The following LONRF2 variants were observed in gnomAD, a reference collection of about 807,000 sequenced individuals.
The protein encoded by LONRF2 is LON peptidase N-terminal domain and RING finger protein 2.
Under a neutral mutation model 66.6 loss-of-function variants are expected in LONRF2, and 35 were observed. That is an observed-to-expected ratio of 0.53 (90% CI 0.40 to 0.70). LONRF2 has a LOEUF of 0.70. Among genes scored for constraint, LONRF2 ranks in the 30% least tolerant of loss-of-function variants. The pLI is 0.00. For missense variants in LONRF2, 902 were observed against 1,002.1 expected (o/e 0.90, Z 1.35); for synonymous variants, 417 against 418.1 (o/e 1.00, Z 0.03).
chr2:100,321,134 C>G (rs1675613541), intron 1 of LONRF2, among the ~76,000 whole-genome samples: 1 of 152,142 alleles, frequency 6.6e-6, no homozygotes, highest in Non-Finnish European at 1.5e-5. Flanking sequence ...CAGAAGATGC[C>G]GAAAAGCAAT....
intron 2 of LONRF2, among the ~76,000 whole-genome samples, chr2:100,306,368 C>T (rs11686293): frequency 0.45 from 68,066 of 152,042 alleles, 15,999 homozygotes; most frequent in East Asian, 0.71. Context: ...AAGAACTTCA[C>T]GTAAAGTTTC....
At chr2:100,284,551 ACACAGT>A in intron 11 of LONRF2, 59 bp from the exon 12 acceptor site, 4 of 1,377,378 alleles carry the variant, frequency 2.9e-6, no homozygotes, top group Non-Finnish European at 2.9e-6. Flanking sequence ...CTGTTCCCCA[ACACAGT>A]CTTTTGCTCC....
At position 100,277,695 on chromosome 2, in the gene LONRF2, C is replaced by T. The variant is rs564220811; in HGVS notation, c.*6603G>A. 2.0e-5 allele frequency: 3 copies of T among 152,244 alleles called. No individual in the cohort carries two copies. The highest frequency in any genetic ancestry group is 7.2e-5 in the African/African-American group (3 of 41,550). 9.4% of individuals were successfully genotyped at this position (152,244 alleles called of 1,614,324 possible). On this transcript the variant is annotated 3_prime_UTR_variant, in exon 12 of 12. Transcript: ENST00000393437. ...GCATGCCCTGATACGAAACGGAACC[C>T]AAAAAACAACGCATGTGGCCAAAGT...
intron 9 of LONRF2, among the ~76,000 whole-genome samples, chr2:100,293,454 C>A (rs1675002263): frequency 6.6e-6 from 1 of 152,156 alleles, no homozygotes; most frequent in Admixed American, 6.5e-5. Flanking sequence ...GAGGCAGCCC[C>A]CTTTCTCCAG....
chr2:100,284,643 A>C lies in LONRF2; in HGVS notation c.2071-151T>G, dbSNP rs531939002. The stretch of plus-strand genomic sequence containing the variant: ...AATTCACAATTCATTCAGCTCTCAA[A>C]ATACATAGTTTACTTTTATGGTACA... On this transcript the variant is annotated intron_variant, in intron 11 of 11. Transcript: ENST00000393437. 2.1e-3 allele frequency: 1,414 copies of C among 661,316 alleles called. 1 individual carries two copies. Among genetic ancestry groups the C allele is most frequent in the Non-Finnish European group, 2.9e-3 (1,199 of 408,068 alleles). 41.0% of individuals were successfully genotyped at this position (661,316 alleles called of 1,614,324 possible). A position where few individuals can be genotyped will look rare whatever the true frequency, so the allele number is the denominator to read the frequency against.
At chr2:100,317,649 T>C (rs1675534710) in intron 1 of LONRF2, among the ~76,000 whole-genome samples, 1 of 152,216 alleles carries the variant, frequency 6.6e-6, no homozygotes, top group Admixed American at 6.5e-5. Flanking sequence ...ATTCTGATGG[T>C]AATAAAATCC....
rs1168115881 is a variant in LONRF2, at chr2:100,273,135, C to T, written c.*11163G>A. Among the ~76,000 whole-genome samples, 2 of 152,208 alleles carry T rather than the reference C, an allele frequency of 1.3e-5. No individual in the cohort carries two copies. The highest frequency in any genetic ancestry group is 6.5e-5 in the Admixed American group (1 of 15,280). On this transcript the variant is annotated 3_prime_UTR_variant, in exon 12 of 12. Coordinates refer to ENST00000393437, the MANE Select transcript of LONRF2 (RefSeq NM_198461.4). ...GAAGAAGGCCATGTGACGATGGACA[C>T]GGAAACTGGAGTGATGCAGCCGCTG...
At position 100,284,433 on chromosome 2, in the gene LONRF2, G is replaced by A. The variant is rs781374702; in HGVS notation, c.2130C>T (p.Arg710=). Residue 710 remains arginine, a synonymous_variant, in exon 12 of 12, where the codon CGC becomes CGT. Transcript: ENST00000393437. ...WWILAVLPLE[R]KAQLAILGMT... is the part of the protein sequence containing the mutation. ...TGCCGAGGATGGCCAGCTGAGCCTT[G>A]CGCTCCAGGGGCAGCACGGCCAGGA... 9.9e-6 allele frequency: 16 copies of A among 1,608,410 alleles called. No individual in the cohort carries two copies. The highest frequency in any genetic ancestry group is 1.4e-5 in the Non-Finnish European group (16 of 1,177,836).
Position 100,282,235 on chromosome 2 carries a change from A to G in LONRF2, c.*2063T>C, listed in dbSNP as rs1432465343. 6.6e-6 allele frequency: 1 copy of G among 152,232 alleles called. No homozygotes were observed. The highest frequency in any genetic ancestry group is 2.4e-5 in the African/African-American group (1 of 41,456). 9.4% of individuals were successfully genotyped at this position (152,232 alleles called of 1,614,324 possible). Reference sequence around the variant, plus strand: ...TAACTGAATAGTTCTGATTCCAAGAACTGTGTGACCTTATGACATTTAAAG... The same window carrying G: ...TAACTGAATAGTTCTGATTCCAAGAGCTGTGTGACCTTATGACATTTAAAG... On this transcript the variant is annotated 3_prime_UTR_variant, in exon 12 of 12. Coordinates refer to ENST00000393437, the MANE Select transcript of LONRF2 (RefSeq NM_198461.4).
Position 100,300,658 on chromosome 2 carries a change from C to T in LONRF2, c.1051G>A (p.Ala351Thr), listed in dbSNP as rs199789084. Reference sequence around the variant, plus strand: ...GCACGTCATACCTCCGAGCTCCCTGCATCACCTTCTTCCAGCAGAGCCTGG... The same window carrying T: ...GCACGTCATACCTCCGAGCTCCCTGTATCACCTTCTTCCAGCAGAGCCTGG... The part of the protein sequence containing the change: ...NAQALLEEGD[A>T]GSSENSSEKS... The change falls in exon 4 of 12, where the codon GCA becomes ACA. Residue 351 changes from alanine to threonine, a missense_variant. Ala to Thr is a moderately conservative substitution (Grantham distance 58, BLOSUM62 0). This residue lies in a region of LONRF2 where 585 missense variants were observed against 569.9 expected (regional missense o/e 1.03). Coordinates refer to ENST00000393437, the MANE Select transcript of LONRF2 (RefSeq NM_198461.4). The T allele has an allele frequency of 1.2e-5, 20 of 1,611,712 alleles. No homozygotes were observed. Among genetic ancestry groups the T allele is most frequent in the Non-Finnish European group, 1.7e-5 (20 of 1,179,448 alleles).
rs60329034 is a variant in LONRF2 at position 100,316,632 on chromosome 2, G to A, written c.679+4783C>T. ...AACACAACCACAGGCCAACTCCAAC[G>A]CTCTGCCTATGGTCATGGGAGCCTA... On this transcript the variant is annotated intron_variant, in intron 1 of 11. Transcript: ENST00000393437. Among the ~76,000 whole-genome samples the A allele has an allele frequency of 9.6e-3, 1,398 of 145,484 alleles. 22 individuals are homozygous for A. The highest frequency in any genetic ancestry group is 0.049 in the East Asian group (248 of 5,052).
In LONRF2 at chr2:100,283,635, G is replaced by T. The variant is rs540155086; in HGVS notation, c.*663C>A. On this transcript the variant is annotated 3_prime_UTR_variant, in exon 12 of 12. Transcript: ENST00000393437. ...TGTTCTCAGGTTTTTCTATATCCAA[G>T]GTATACTTTCTTATGTTTTGACATT... The T allele has an allele frequency of 1.3e-5, 2 of 152,056 alleles. No individual in the cohort carries two copies. Among genetic ancestry groups the T allele is most frequent in the Admixed American group, 6.5e-5 (1 of 15,274 alleles). The allele number at this position is 152,056 out of a possible 1,614,324, so 9.4% of individuals were successfully genotyped here.
chr2:100,314,202 T>G (rs1267735872), intron 1 of LONRF2, among the ~76,000 whole-genome samples: 1 of 152,206 alleles, frequency 6.6e-6, no homozygotes, highest in African/African-American at 2.4e-5. Flanking sequence ...TAAGTTGTTG[T>G]ACAAACTTAT....
In LONRF2 at chr2:100,313,963, A is replaced by ATAT. The variant is rs535655369; in HGVS notation, c.680-4741_680-4739dup. Reference sequence around the variant, plus strand: ...TAAAAAATTTAAAAATTGCTGTGTAATATTACACTGTATGACTTGATTTAT... The same window carrying ATAT: ...TAAAAAATTTAAAAATTGCTGTGTAATATTATTACACTGTATGACTTGATTTAT... On this transcript the variant is annotated intron_variant, in intron 1 of 11. Coordinates refer to ENST00000393437, the MANE Select transcript of LONRF2 (RefSeq NM_198461.4). 4.8e-3 allele frequency among the ~76,000 whole-genome samples: 731 copies of ATAT among 152,264 alleles called. 5 individuals carry two copies. The highest frequency in any genetic ancestry group is 0.016 in the African/African-American group (677 of 41,524).
chr2:100,299,018 T>C (rs1376817118), intron 6 of LONRF2, 68 bp from the exon 7 acceptor site: 21 of 1,255,702 alleles, frequency 1.7e-5, no homozygotes, highest in Non-Finnish European at 2.5e-5. Flanking sequence ...GACTGGTTTT[T>C]GAAGGATTCC....
intron 1 of LONRF2, among the ~76,000 whole-genome samples, chr2:100,319,698 C>T (rs1465388416): frequency 6.6e-6 from 1 of 152,180 alleles, no homozygotes; most frequent in Non-Finnish European, 1.5e-5. Context: ...TATTTTCTTT[C>T]TGTATAGTAT....
chr2:100,272,620 T>C lies in LONRF2; in HGVS notation c.*11678A>G, dbSNP rs1419600952. 4.0e-5 allele frequency among the ~76,000 whole-genome samples: 4 copies of C among 100,002 alleles called. No homozygotes were observed. The highest frequency in any genetic ancestry group is 1.7e-4 in the African/African-American group (4 of 24,028). The allele number at this position is 100,002 out of a possible 152,430, so 65.6% of individuals were successfully genotyped here. ...TGCCAGGAAGTTAATAAAAATACTT[T>C]TCAGTATTTTGTAGAGTGTTATGCT... On this transcript the variant is annotated 3_prime_UTR_variant, in exon 12 of 12. Coordinates refer to ENST00000393437, the MANE Select transcript of LONRF2 (RefSeq NM_198461.4).
Position 100,322,244 on chromosome 2 carries a change from C to T in LONRF2, c.-151G>A. On this transcript the variant is annotated 5_prime_UTR_variant, in exon 1 of 12. Coordinates refer to ENST00000393437, the MANE Select transcript of LONRF2 (RefSeq NM_198461.4). ...GCGGCGCGCTGCGAGCGGCTGAGAC[C>T]GCGGGCGGGGGCGGGCGCCTGGCTT... 2 of 762,172 alleles carry T rather than the reference C, an allele frequency of 2.6e-6. No individual in the cohort carries two copies. Among genetic ancestry groups the T allele is most frequent in the Admixed American group, 4.7e-5 (1 of 21,300 alleles). 47.2% of individuals were successfully genotyped at this position (762,172 alleles called of 1,614,324 possible).
chr2:100,296,392 G>A (rs1194641297), intron 7 of LONRF2, among the ~76,000 whole-genome samples: 6 of 152,164 alleles, frequency 3.9e-5, no homozygotes, highest in Non-Finnish European at 8.8e-5. Flanking sequence ...CGCTCATAAA[G>A]CTGTGATTCA....
Sources: allele counts gnomAD v4.1 joint callset (sites outside exome capture counted in the v4.1 genomes callset), GRCh38; gene constraint gnomAD v4.1.1; regional missense constraint gnomAD v4.1.1; transcripts MANE v1.5; gene names NCBI Gene and HGNC (gene_info 2026-07-23, HGNC 2026-07-21).